DPYSL2: variants seen among roughly 807,000 people sequenced by gnomAD.
DPYSL2 encodes the protein dihydropyrimidinase like 2.
Under a neutral mutation model 69.9 loss-of-function variants are expected in DPYSL2, and 13 were observed. The ratio of observed to expected loss-of-function variants is 0.19; its 90% confidence interval spans 0.12 to 0.30. The LOEUF (loss-of-function observed/expected upper bound fraction) is 0.30, where lower values mean the gene tolerates loss of function less well. Ranked by LOEUF, DPYSL2 falls within the 10% of genes least tolerant of loss-of-function variation. The pLI, the probability that DPYSL2 is intolerant of heterozygous loss-of-function variation, is 1.00. For missense variants in DPYSL2, 587 were observed against 918.9 expected, an observed-to-expected ratio of 0.64 and a Z score of 4.67; for synonymous variants, 326 against 359.1, an observed-to-expected ratio of 0.91 and a Z score of 1.04.
chr8:26,617,174 A>G lies in DPYSL2; in HGVS notation c.629-6969A>G, dbSNP rs958192463. Among the ~76,000 whole-genome samples, 6 of 152,184 alleles carry G rather than the reference A, an allele frequency of 3.9e-5. No individual in the cohort carries two copies. Among genetic ancestry groups the G allele is most frequent in the South Asian group, 2.1e-4 (1 of 4,834 alleles). ...CGCTCCCTGGCTGTAATATTGTACT[A>G]TAATTAGGCAAGATGTTTCCTTTGG... On this transcript the variant is annotated intron_variant, in intron 3 of 13. Coordinates refer to ENST00000521913, the MANE Select transcript of DPYSL2 (RefSeq NM_001197293.3). This position sits in a 1 kb window ranked among gnomAD's most constrained non-coding sequence, Gnocchi z 4.7.
At position 26,562,829 on chromosome 8, in the gene DPYSL2, C is replaced by G. The variant is rs1801095116; in HGVS notation, c.355-19140C>G. ...GCCGTATCTGGGAAAACTTGAATGG[C>G]TTTGGGTGACTTGAACAACCGGGGT... On this transcript the variant is annotated intron_variant, in intron 1 of 13. Transcript: ENST00000521913. This position sits in a 1 kb window ranked among gnomAD's most constrained non-coding sequence, Gnocchi z 4.9. 6.6e-6 allele frequency among the ~76,000 whole-genome samples: 1 copy of G among 152,198 alleles called. No homozygotes were observed. The highest frequency in any genetic ancestry group is 6.5e-5 in the Admixed American group (1 of 15,288).
intron 11 of DPYSL2, among the ~76,000 whole-genome samples, chr8:26,651,333 A>G (rs1025790884): frequency 2.6e-5 from 4 of 152,230 alleles, no homozygotes; most frequent in Non-Finnish European, 4.4e-5. Context: ...GCAGGGTGCT[A>G]GCACAGCTCT....
At chr8:26,596,863 T>A (rs1055468722) in intron 3 of DPYSL2, among the ~76,000 whole-genome samples, 2 of 152,210 alleles carry the variant, frequency 1.3e-5, no homozygotes, top group South Asian at 2.1e-4. Context: ...TCATGAAAGC[T>A]GCTTTGTGCC....
At position 26,562,215 on chromosome 8, in the gene DPYSL2, T is replaced by TC. The variant is rs1370407610; in HGVS notation, c.355-19752dup. 1.3e-5 allele frequency among the ~76,000 whole-genome samples: 2 copies of TC among 152,172 alleles called. No homozygotes were observed. The highest frequency in any genetic ancestry group is 4.8e-5 in the African/African-American group (2 of 41,430). ...GGCTCTGCCACGTGTGAGTTTTGGG[T>TC]CCTGGGGAAAGTTCCTTAATCTCAC... is the stretch of plus-strand genomic sequence containing the variant. On this transcript the variant is annotated intron_variant, in intron 1 of 13. Transcript: ENST00000521913. This position sits in a 1 kb window ranked among gnomAD's most constrained non-coding sequence, Gnocchi z 4.9.
At chr8:26,633,266 A>G (rs1802821322) in intron 7 of DPYSL2, among the ~76,000 whole-genome samples, 1 of 152,190 alleles carries the variant, frequency 6.6e-6, no homozygotes, top group Non-Finnish European at 1.5e-5. Flanking sequence ...CTCCCCTCCA[A>G]GAGTTCAAGC....
intron 11 of DPYSL2, among the ~76,000 whole-genome samples, chr8:26,649,708 C>T (rs1018867628): frequency 1.3e-5 from 2 of 152,218 alleles, no homozygotes; most frequent in South Asian, 4.1e-4. Flanking sequence ...TAACTATTAT[C>T]GACAGCCCTG....
intron 3 of DPYSL2, among the ~76,000 whole-genome samples, chr8:26,616,455 G>C (rs1350269634): frequency 6.6e-6 from 1 of 152,152 alleles, no homozygotes; most frequent in African/African-American, 2.4e-5. Flanking sequence ...CTGCCTCCCT[G>C]ATGGTTTGCT....
intron 1 of DPYSL2, among the ~76,000 whole-genome samples, chr8:26,547,219 C>T (rs1380496627): frequency 6.6e-6 from 1 of 151,852 alleles, no homozygotes; most frequent in Non-Finnish European, 1.5e-5. Flanking sequence ...AAAAATTAGC[C>T]GGGTGTGGTG....
rs73226186 is a variant in DPYSL2 at position 26,619,119 on chromosome 8, G to T, written c.629-5024G>T. Among the ~76,000 whole-genome samples the T allele has an allele frequency of 6.6e-6, 1 of 152,076 alleles. No homozygotes were observed. Among genetic ancestry groups the T allele is most frequent in the Non-Finnish European group, 1.5e-5 (1 of 68,024 alleles). ...TCGGGTTGCCAAGGCTGCCCTCTTG[G>T]AGGGGCCGATAGCTCAGGGAGGTCA... On this transcript the variant is annotated intron_variant, in intron 3 of 13. Coordinates refer to ENST00000521913, the MANE Select transcript of DPYSL2 (RefSeq NM_001197293.3). The surrounding 1 kb of genome is among the most constrained non-coding windows in gnomAD (Gnocchi z 4.8).
In DPYSL2 at chr8:26,614,844, C is replaced by T. The variant is rs532818637; in HGVS notation, c.629-9299C>T. 6.6e-6 allele frequency among the ~76,000 whole-genome samples: 1 copy of T among 152,332 alleles called. No homozygotes were observed. The highest frequency in any genetic ancestry group is 6.5e-5 in the Admixed American group (1 of 15,302). On this transcript the variant is annotated intron_variant, in intron 3 of 13. Coordinates refer to ENST00000521913, the MANE Select transcript of DPYSL2 (RefSeq NM_001197293.3). The surrounding 1 kb of genome is among the most constrained non-coding windows in gnomAD (Gnocchi z 4.9). ...GCCTGCCACCCTTAGGCTAAGGACACGGTTTTCCTATCTGTTTATTGAATT... is the reference window on the plus strand; with the variant it reads ...GCCTGCCACCCTTAGGCTAAGGACATGGTTTTCCTATCTGTTTATTGAATT...
rs1391728961 is a variant in DPYSL2 at position 26,648,164 on chromosome 8, C to T, written c.1596+364C>T. 1.3e-5 allele frequency among the ~76,000 whole-genome samples: 2 copies of T among 152,174 alleles called. No individual in the cohort carries two copies. The highest frequency in any genetic ancestry group is 3.9e-4 in the East Asian group (2 of 5,182). On this transcript the variant is annotated intron_variant, in intron 11 of 13. Transcript: ENST00000521913. This position sits in a 1 kb window ranked among gnomAD's most constrained non-coding sequence, Gnocchi z 4.3. ...CTTGGTGCAAGGGACCTCAATGAAG[C>T]AGTGAGATGTCCTCTCCTGAGATGC... is the stretch of plus-strand genomic sequence containing the variant.
rs1801719622 is a variant in DPYSL2, at chr8:26,591,216, A to G, written c.628+7233A>G. Among the ~76,000 whole-genome samples, 1 of 152,334 alleles carries G rather than the reference A, an allele frequency of 6.6e-6. No homozygotes were observed. Among genetic ancestry groups the G allele is most frequent in the East Asian group, 1.9e-4 (1 of 5,176 alleles). ...CTCTGACTTGCCCTAAAGCTGGGTC[A>G]CACAGACTATTGGGAACTTCCTGTC... On this transcript the variant is annotated intron_variant, in intron 3 of 13. Coordinates refer to ENST00000521913, the MANE Select transcript of DPYSL2 (RefSeq NM_001197293.3). The surrounding 1 kb of genome is among the most constrained non-coding windows in gnomAD (Gnocchi z 5.8).
At position 26,617,015 on chromosome 8, in the gene DPYSL2, T is replaced by G. The variant is rs1310842351; in HGVS notation, c.629-7128T>G. Among the ~76,000 whole-genome samples the G allele has an allele frequency of 6.6e-6, 1 of 152,220 alleles. No individual in the cohort carries two copies. Among genetic ancestry groups the G allele is most frequent in the Non-Finnish European group, 1.5e-5 (1 of 68,046 alleles). On this transcript the variant is annotated intron_variant, in intron 3 of 13. Coordinates refer to ENST00000521913, the MANE Select transcript of DPYSL2 (RefSeq NM_001197293.3). The surrounding 1 kb of genome is among the most constrained non-coding windows in gnomAD (Gnocchi z 4.7). ...GTGGTACCTGCTCAACTGCTTCAAT[T>G]CCAGAACTGGAACTGCAGGGAAGCT...
chr8:26,570,378 G>C (rs1306608895), intron 1 of DPYSL2, among the ~76,000 whole-genome samples: 3 of 152,092 alleles, frequency 2.0e-5, no homozygotes, highest in African/African-American at 7.2e-5. Context: ...AAAGACAGCC[G>C]ATCACCTGTG....
intron 1 of DPYSL2, among the ~76,000 whole-genome samples, chr8:26,563,107 C>T (rs1261325326): frequency 6.6e-6 from 1 of 152,132 alleles, no homozygotes; most frequent in Non-Finnish European, 1.5e-5. Context: ...CAGAAGCCCA[C>T]CCGAATTCAA....
intron 1 of DPYSL2, among the ~76,000 whole-genome samples, chr8:26,581,518 G>A (rs1011381179): frequency 3.3e-5 from 5 of 151,462 alleles, no homozygotes; most frequent in Non-Finnish European, 5.9e-5. Flanking sequence ...GATTACAGGC[G>A]CCCACCACCA....
At chr8:26,577,152 G>T in intron 1 of DPYSL2, 1 of 447,540 alleles carries the variant, frequency 2.2e-6, no homozygotes, top group South Asian at 1.6e-5. Context: ...GGTTTCCTCA[G>T]GGCTCTCATT....
At chr8:26,575,080 C>A (rs578258736) in intron 1 of DPYSL2, among the ~76,000 whole-genome samples, 1 of 152,340 alleles carries the variant, frequency 6.6e-6, no homozygotes, top group Admixed American at 6.5e-5. Flanking sequence ...ATTACCGGCC[C>A]CAGCCACCAT....
chr8:26,577,609 C>T lies in DPYSL2; in HGVS notation c.355-4360C>T, dbSNP rs531046557. On this transcript the variant is annotated intron_variant, in intron 1 of 13. Coordinates refer to ENST00000521913, the MANE Select transcript of DPYSL2 (RefSeq NM_001197293.3). ...CCCGCCGTCTCGGGGTGCCGCCCCT[C>T]CCCCCGGCCGCGACGACCACCCCTC... Among the ~76,000 whole-genome samples, 10 of 150,242 alleles carry T rather than the reference C, an allele frequency of 6.7e-5. No homozygotes were observed. The South Asian group carries it at 2.1e-3, about 31-fold the overall frequency.
Sources: allele counts gnomAD v4.1 joint callset (sites outside exome capture counted in the v4.1 genomes callset), GRCh38; gene constraint gnomAD v4.1.1; non-coding constraint Gnocchi (gnomAD v3.1); transcripts MANE v1.5; gene names NCBI Gene and HGNC (gene_info 2026-07-23, HGNC 2026-07-21).